Variants in DACH2 observed in about 807,000 individuals in gnomAD.
DACH2 encodes the protein dachshund homolog 2.
Under a neutral mutation model 35.8 loss-of-function variants are expected in DACH2, and 17 were observed. The ratio of observed to expected loss-of-function variants is 0.48; its 90% confidence interval spans 0.33 to 0.71. The LOEUF is 0.71. DACH2 is among the 30% of genes least tolerant of loss of function. The pLI, the probability that DACH2 is intolerant of heterozygous loss-of-function variation, is 0.02. For synonymous variants in DACH2, 195 were observed against 177.3 expected, an observed-to-expected ratio of 1.10 and a Z score of -0.79; for missense variants, 469 against 472.7, an observed-to-expected ratio of 0.99 and a Z score of 0.07.
chrX:86,601,264 C>T (rs2039785855), intron 3 of DACH2, among the ~76,000 whole-genome samples: 1 of 111,300 alleles, frequency 9.0e-6, no homozygotes, highest in Non-Finnish European at 1.9e-5. Context: ...TCTATTGGGG[C>T]AGATACTGGT....
rs1405053835 is a variant in DACH2 at position 86,514,272 on chromosome X, T to G, written c.528-7T>G. 1 of 1,205,504 alleles carries G rather than the reference T, an allele frequency of 8.3e-7. No individual in the cohort carries two copies. The highest frequency in any genetic ancestry group is 1.8e-5 in the South Asian group (1 of 56,182). The stretch of plus-strand genomic sequence containing the variant: ...ACCTTTATCTATATTTGTCTGTTTT[T>G]CAACAGTTCAAGACCCGGCAGGCCC... On this transcript the variant is annotated splice_region_variant and splice_polypyrimidine_tract_variant and intron_variant, in intron 2 of 11. Coordinates refer to ENST00000373125, the MANE Select transcript of DACH2 (RefSeq NM_053281.3).
At chrX:86,542,741 C>G (rs1260087787) in intron 3 of DACH2, among the ~76,000 whole-genome samples, 1 of 111,788 alleles carries the variant, frequency 8.9e-6, no homozygotes, top group East Asian at 2.8e-4. Context: ...ATTCACATTC[C>G]CTGGAGAAGC....
intron 7 of DACH2, among the ~76,000 whole-genome samples, chrX:86,757,807 C>T (rs1013772891): frequency 2.5e-4 from 28 of 111,994 alleles, no homozygotes; most frequent in African/African-American, 9.1e-4. Context: ...GAGCCCTGCC[C>T]GAGCCATGCT....
At chrX:86,772,069 G>A (rs897761817) in intron 7 of DACH2, among the ~76,000 whole-genome samples, 4 of 111,556 alleles carry the variant, frequency 3.6e-5, no homozygotes, top group Admixed American at 1.9e-4. Context: ...ATTTGGGCAA[G>A]CATCTTTTAA....
At chrX:86,797,846 T>C (rs960638175) in intron 7 of DACH2, among the ~76,000 whole-genome samples, 4 of 111,704 alleles carry the variant, frequency 3.6e-5, no homozygotes, top group Non-Finnish European at 7.5e-5. Context: ...CATTGGATAG[T>C]TGTACAAAGT....
chrX:86,688,235 A>G (rs2040971224), intron 4 of DACH2, among the ~76,000 whole-genome samples: 1 of 111,277 alleles, frequency 9.0e-6, no homozygotes, highest in African/African-American at 3.3e-5. Flanking sequence ...GCTCAGTTTT[A>G]TTCTCTTCTT....
intron 6 of DACH2, among the ~76,000 whole-genome samples, chrX:86,717,437 C>T (rs2041350127): frequency 9.0e-6 from 1 of 110,627 alleles, no homozygotes; most frequent in South Asian, 3.8e-4. Context: ...AATAGTATTC[C>T]ATTTACATAT....
intron 2 of DACH2, among the ~76,000 whole-genome samples, chrX:86,495,587 A>T (rs1216305393): frequency 9.1e-6 from 1 of 110,412 alleles, no homozygotes; most frequent in East Asian, 2.9e-4. Flanking sequence ...AGGCAGGAAG[A>T]TCACTCGGGG....
chrX:86,488,700 A>G (rs989330854), intron 2 of DACH2, among the ~76,000 whole-genome samples: 1 of 111,610 alleles, frequency 9.0e-6, no homozygotes, highest in African/African-American at 3.3e-5. Flanking sequence ...CATGTATTGA[A>G]GCATCACCTT....
intron 3 of DACH2, among the ~76,000 whole-genome samples, chrX:86,543,080 G>C (rs6617236): frequency 0.14 from 15,509 of 111,138 alleles, 951 homozygotes; most frequent in East Asian, 0.24. Flanking sequence ...TGGAGAGACA[G>C]AGGCATTAAG....
At chrX:86,611,787 T>A (rs1249430134) in intron 3 of DACH2, among the ~76,000 whole-genome samples, 1 of 111,624 alleles carries the variant, frequency 9.0e-6, no homozygotes, top group Non-Finnish European at 1.9e-5. Context: ...AGTGCTGCTA[T>A]CACAGGATGG....
chrX:86,343,095 T>C (rs1176722611), intron 1 of DACH2, among the ~76,000 whole-genome samples: 1 of 112,181 alleles, frequency 8.9e-6, no homozygotes, highest in East Asian at 2.8e-4. Flanking sequence ...CATAAATTTG[T>C]GTGACTTGTT....
chrX:86,505,601 C>A (rs916955739), intron 2 of DACH2, among the ~76,000 whole-genome samples: 1 of 106,069 alleles, frequency 9.4e-6, no homozygotes, highest in Non-Finnish European at 1.9e-5. Flanking sequence ...TATGTTGTAG[C>A]ATGTGTCAGG....
intron 7 of DACH2, among the ~76,000 whole-genome samples, chrX:86,745,947 T>C (rs1002794423): frequency 9.0e-6 from 1 of 111,475 alleles, no homozygotes; most frequent in Admixed American, 9.6e-5. Flanking sequence ...TGTGAGATGG[T>C]ATCTCATAGT....
intron 2 of DACH2, among the ~76,000 whole-genome samples, chrX:86,470,649 A>T (rs1301756486): frequency 9.0e-6 from 1 of 111,006 alleles, no homozygotes; most frequent in Non-Finnish European, 1.9e-5. Flanking sequence ...AGTGACTGGG[A>T]GGTGGGTGAG....
chrX:86,520,838 C>G (rs997282170), intron 3 of DACH2, among the ~76,000 whole-genome samples: 1 of 111,409 alleles, frequency 9.0e-6, no homozygotes. Flanking sequence ...GCCTTTAGGT[C>G]TTGCCTTTTT....
chrX:86,690,230 T>C (rs973644222), intron 4 of DACH2, among the ~76,000 whole-genome samples: 2 of 111,791 alleles, frequency 1.8e-5, no homozygotes, highest in Non-Finnish European at 3.8e-5. Flanking sequence ...AACATTTTGG[T>C]GTTTGGGTGT....
intron 3 of DACH2, among the ~76,000 whole-genome samples, chrX:86,530,937 T>TA (rs1339538254): frequency 9.0e-6 from 1 of 111,682 alleles, no homozygotes; most frequent in Non-Finnish European, 1.9e-5. Context: ...GGAACTGGAG[T>TA]AAAGGTCACT....
intron 3 of DACH2, among the ~76,000 whole-genome samples, chrX:86,601,795 C>G (rs1218750634): frequency 8.9e-6 from 1 of 112,114 alleles, no homozygotes; most frequent in Non-Finnish European, 1.9e-5. Context: ...AGTTATGAAA[C>G]AGCAAAATTT....
Sources: gnomAD v4.1 joint callset for allele counts (sites outside exome capture counted in the v4.1 genomes callset) on GRCh38, gnomAD v4.1.1 for gene constraint, MANE v1.5 for transcripts, NCBI Gene and HGNC (gene_info 2026-07-23, HGNC 2026-07-21) for gene names.